CMYA5: variants seen among roughly 807,000 people sequenced by gnomAD.
The protein encoded by CMYA5 is cardiomyopathy associated 5.
A neutral mutation model predicts 318.9 loss-of-function variants in CMYA5; 246 were observed. That is an observed-to-expected ratio of 0.77 (90% CI 0.70 to 0.86). The LOEUF (loss-of-function observed/expected upper bound fraction) is 0.86. CMYA5 is among the 40% of genes least tolerant of loss of function. The probability of loss-of-function intolerance (pLI) is 0.00; values close to 1 mark genes in which losing one functional copy is unlikely to be tolerated. For synonymous variants in CMYA5, 1,641 were observed against 1,729.5 expected (o/e 0.95, Z 1.27); for missense variants, 4,589 against 4,678.2 (o/e 0.98, Z 0.56).
chr5:79,788,471 T>C (rs1462961291), intron 9 of CMYA5, among the ~76,000 whole-genome samples: 1 of 151,754 alleles, frequency 6.6e-6, no homozygotes, highest in African/African-American at 2.4e-5. Context: ...TGAGAATTTT[T>C]TTTTTTTTTT....
chr5:79,709,066 T>C (rs2151077749), intron 1 of CMYA5, among the ~76,000 whole-genome samples: 1 of 152,322 alleles, frequency 6.6e-6, no homozygotes, highest in African/African-American at 2.4e-5. Flanking sequence ...AAGAGCCGGC[T>C]CAGTGACACT....
intron 1 of CMYA5, among the ~76,000 whole-genome samples, chr5:79,695,949 C>A (rs1827059072): frequency 6.6e-6 from 1 of 152,276 alleles, no homozygotes; most frequent in East Asian, 1.9e-4. Context: ...TTGTTATTAT[C>A]CAGAATCATC....
At chr5:79,707,849 G>A (rs75839719) in intron 1 of CMYA5, among the ~76,000 whole-genome samples, 3,217 of 152,272 alleles carry the variant, frequency 0.021, 113 homozygotes, top group African/African-American at 0.072. Context: ...AGAAATAACA[G>A]AACTTTATTT....
At chr5:79,694,954 A>G (rs77551481) in intron 1 of CMYA5, among the ~76,000 whole-genome samples, 273 of 152,304 alleles carry the variant, frequency 1.8e-3, no homozygotes, top group African/African-American at 6.3e-3. Context: ...TGTTGGCTGC[A>G]TGGATATTTT....
In CMYA5 at chr5:79,734,515, A is replaced by G. The variant is rs16877150; in HGVS notation, c.5750A>G (p.Asp1917Gly). ...AGAATAGCAGGATCTGTGCAGCTGG[A>G]TTCCTCTAGCAGCAATGAGCTGAGG... ...EQRIAGSVQL[D>G]SSSSNELRPG... The change falls in exon 2 of 13, where the codon GAT becomes GGT. Residue 1917 changes from aspartate (D) to glycine (G), a missense_variant. Around this residue, in one of 3 missense-constraint regions of CMYA5, gnomAD observed 2,431 missense variants for 2,495.1 expected, o/e 0.97. Coordinates refer to ENST00000446378, the MANE Select transcript of CMYA5 (RefSeq NM_153610.5). The G allele has an allele frequency of 0.078, 125,917 of 1,613,576 alleles. 8,732 individuals carry two copies. Among genetic ancestry groups the G allele is most frequent in the East Asian group, 0.46 (20,502 of 44,824 alleles).
At chr5:79,702,610 A>C (rs889759843) in intron 1 of CMYA5, among the ~76,000 whole-genome samples, 1 of 152,100 alleles carries the variant, frequency 6.6e-6, no homozygotes, top group African/African-American at 2.4e-5. Flanking sequence ...GAGATGTGGA[A>C]GGGATTAGGG....
intron 1 of CMYA5, among the ~76,000 whole-genome samples, chr5:79,701,680 G>C (rs1696819781): frequency 6.6e-6 from 1 of 152,124 alleles, no homozygotes; most frequent in South Asian, 2.1e-4. Context: ...GTTAAACATA[G>C]AGTTACCATA....
chr5:79,726,378 G>A lies in CMYA5; in HGVS notation c.150-2537G>A, dbSNP rs563407305. Among the ~76,000 whole-genome samples the A allele has an allele frequency of 2.4e-4, 37 of 152,236 alleles. No homozygotes were observed. The South Asian group carries it at 7.5e-3, about 31-fold the overall frequency. On this transcript the variant is annotated intron_variant, in intron 1 of 12. Transcript: ENST00000446378. Reference sequence around the variant, plus strand: ...AGTGACATGGAAGAGAGAAGATGTAGGATGAGTTGAAAGTTTTGTGGAATA... The same window carrying A: ...AGTGACATGGAAGAGAGAAGATGTAAGATGAGTTGAAAGTTTTGTGGAATA...
rs536118220 is a variant in CMYA5, at chr5:79,743,123, C to T, written c.10639-704C>T. ...GAGGCCTCCATCAATGTTGTATCTC[C>T]ATCAGTCTGTGGTAGTGAATCAGAC... On this transcript the variant is annotated intron_variant, in intron 2 of 12. Coordinates refer to ENST00000446378, the MANE Select transcript of CMYA5 (RefSeq NM_153610.5). Among the ~76,000 whole-genome samples, 7 of 152,320 alleles carry T rather than the reference C, an allele frequency of 4.6e-5. No homozygotes were observed. In the South Asian group the frequency reaches 6.2e-4, roughly 14 times the overall value.
intron 1 of CMYA5, among the ~76,000 whole-genome samples, chr5:79,714,729 C>T (rs2151079573): frequency 6.6e-6 from 1 of 152,224 alleles, no homozygotes; most frequent in African/African-American, 2.4e-5. Context: ...CATGAGTGAC[C>T]ATGCGCAGCC....
chr5:79,752,348 T>G (rs945056036), intron 5 of CMYA5, among the ~76,000 whole-genome samples: 2 of 152,204 alleles, frequency 1.3e-5, no homozygotes, highest in Admixed American at 1.3e-4. Context: ...TCCTTTCCCT[T>G]TAGGAAATAA....
intron 12 of CMYA5, among the ~76,000 whole-genome samples, chr5:79,796,707 A>G (rs764612615): frequency 3.2e-4 from 48 of 152,206 alleles, no homozygotes; most frequent in Non-Finnish European, 5.3e-4. Flanking sequence ...GCCCAGACCA[A>G]GAGTTTTACC....
intron 1 of CMYA5, among the ~76,000 whole-genome samples, chr5:79,700,236 C>A (rs1228684166): frequency 6.6e-6 from 1 of 152,192 alleles, no homozygotes; most frequent in African/African-American, 2.4e-5. Flanking sequence ...AATTCAGAAA[C>A]CCAGGCTTTA....
intron 9 of CMYA5, among the ~76,000 whole-genome samples, chr5:79,772,763 A>G (rs928411418): frequency 6.6e-6 from 1 of 152,148 alleles, no homozygotes; most frequent in Non-Finnish European, 1.5e-5. Context: ...CGGAAGGAAA[A>G]TTCTGCTCTT....
Position 79,731,409 on chromosome 5 carries a change from C to G in CMYA5, c.2644C>G (p.Leu882Val). Reference sequence around the variant, plus strand: ...AGCCACCCCATCTGAATATGTTGTTCTATCAGACGAAGAGGCAGTCGAGTT... The same window carrying G: ...AGCCACCCCATCTGAATATGTTGTTGTATCAGACGAAGAGGCAGTCGAGTT... ...LSATPSEYVV[L>V]SDEEAVELER... The change falls in exon 2 of 13, where the codon CTA becomes GTA. Residue 882 changes from leucine (L) to valine (V), a missense_variant. Around this residue, in one of 3 missense-constraint regions of CMYA5, gnomAD observed 2,132 missense variants for 2,131.3 expected, o/e 1.00. Transcript: ENST00000446378. 6.2e-7 allele frequency: 1 copy of G among 1,613,696 alleles called. No individual in the cohort carries two copies. The highest frequency in any genetic ancestry group is 8.5e-7 in the Non-Finnish European group (1 of 1,179,836).
rs1367117877 is a variant in CMYA5 at position 79,799,353 on chromosome 5, A to G, written c.11964-17A>G. ...AGATTTCCAGAGTTTTATGTTTCCCATTCGCTTTCATTTCAGATACACATT... is the reference window on the plus strand; with the variant it reads ...AGATTTCCAGAGTTTTATGTTTCCCGTTCGCTTTCATTTCAGATACACATT... On this transcript the variant is annotated splice_polypyrimidine_tract_variant and intron_variant, in intron 12 of 12. Transcript: ENST00000446378. 1 of 1,583,686 alleles carries G rather than the reference A, an allele frequency of 6.3e-7. No individual in the cohort carries two copies. Among genetic ancestry groups the G allele is most frequent in the Admixed American group, 1.7e-5 (1 of 58,448 alleles).
chr5:79,778,210 C>T (rs1319116101), intron 9 of CMYA5: 1 of 152,204 alleles, frequency 6.6e-6, no homozygotes, highest in Non-Finnish European at 1.5e-5. Context: ...ACAAACAATG[C>T]TGCAGTAATA....
In CMYA5 at chr5:79,799,923, G is replaced by A; in HGVS notation, c.*307G>A. 4.5e-6 allele frequency: 1 copy of A among 221,008 alleles called. No homozygotes were observed. The highest frequency in any genetic ancestry group is 9.1e-6 in the Non-Finnish European group (1 of 109,816). 13.7% of individuals were successfully genotyped at this position (221,008 alleles called of 1,614,324 possible). A position where few individuals can be genotyped will look rare whatever the true frequency, so the allele number is the denominator to read the frequency against. ...GAAAGAGAAAAATGGACTTCCATCT[G>A]TTTTACTGGTAAAGGAAATCCTCTG... On this transcript the variant is annotated 3_prime_UTR_variant, in exon 13 of 13. Coordinates refer to ENST00000446378, the MANE Select transcript of CMYA5 (RefSeq NM_153610.5).
Position 79,735,095 on chromosome 5 carries a change from A to G in CMYA5, c.6330A>G (p.Ser2110=). 1 of 1,613,850 alleles carries G rather than the reference A, an allele frequency of 6.2e-7. No individual in the cohort carries two copies. Among genetic ancestry groups the G allele is most frequent in the South Asian group, 1.1e-5 (1 of 91,076 alleles). The part of the protein sequence containing the change: ...KPLEESKMVQ[S]KVIDDADEGK... Reference sequence around the variant, plus strand: ...TGGAAGAATCAAAAATGGTTCAGTCAAAGGTTATTGATGATGCTGATGAGG... The same window carrying G: ...TGGAAGAATCAAAAATGGTTCAGTCGAAGGTTATTGATGATGCTGATGAGG... The change falls in exon 2 of 13, where the codon TCA becomes TCG. Residue 2110 remains serine, a synonymous_variant. Transcript: ENST00000446378.
Sources: gnomAD v4.1 joint callset for allele counts (sites outside exome capture counted in the v4.1 genomes callset) on GRCh38, gnomAD v4.1.1 for gene constraint, gnomAD v4.1.1 regional missense constraint, MANE v1.5 for transcripts, NCBI Gene and HGNC (gene_info 2026-07-23, HGNC 2026-07-21) for gene names.